Variants in RNF157 observed in about 807,000 individuals in gnomAD.
RNF157 encodes the protein ring finger protein 157.
Under a neutral mutation model 88.3 loss-of-function variants are expected in RNF157, and 55 were observed. The ratio of observed to expected loss-of-function variants is 0.62; its 90% confidence interval spans 0.50 to 0.78. The LOEUF is 0.78. RNF157 is among the 30% of genes least tolerant of loss of function. The probability of loss-of-function intolerance (pLI) is 0.00; values close to 1 mark genes in which losing one functional copy is unlikely to be tolerated. For synonymous variants in RNF157, 334 were observed against 341.2 expected (o/e 0.98, Z 0.23); for missense variants, 788 against 860.8 (o/e 0.92, Z 1.06).
chr17:76,192,821 C>T (rs1009213209), intron 2 of RNF157, among the ~76,000 whole-genome samples: 10 of 150,770 alleles, frequency 6.6e-5, no homozygotes, highest in African/African-American at 2.4e-4. Context: ...GTTCTTGTTT[C>T]AGCTCTCCCA....
Position 76,190,704 on chromosome 17 carries a change from G to A in RNF157, c.208-16914C>T, listed in dbSNP as rs1284714512. On this transcript the variant is annotated intron_variant, in intron 2 of 18. Transcript: ENST00000269391. Reference sequence around the variant, plus strand: ...GGAGGCCGAGACGGGTGGATCACGAGGTCAGGAGATCGAGACCACGATGAA... The same window carrying A: ...GGAGGCCGAGACGGGTGGATCACGAAGTCAGGAGATCGAGACCACGATGAA... Among the ~76,000 whole-genome samples the A allele has an allele frequency of 2.0e-5, 3 of 151,258 alleles. No homozygotes were observed. In the East Asian group the frequency reaches 5.8e-4, roughly 29 times the overall value.
chr17:76,185,728 C>A (rs74854106), intron 2 of RNF157, among the ~76,000 whole-genome samples: 15,140 of 151,852 alleles, frequency 0.1, 944 homozygotes, highest in African/African-American at 0.17. Context: ...CTCGGCCTCC[C>A]AAAGTGCTGG....
chr17:76,199,570 T>TAAAAAAAA (rs34151599), intron 2 of RNF157, among the ~76,000 whole-genome samples: 1 of 110,984 alleles, frequency 9.0e-6, no homozygotes, highest in Non-Finnish European at 1.9e-5. Context: ...AGCTGAAAGT[T>TAAAAAAAA]AAAAAAAAAA....
chr17:76,190,763 C>T (rs982113016), intron 2 of RNF157, among the ~76,000 whole-genome samples: 1 of 151,410 alleles, frequency 6.6e-6, no homozygotes, highest in Non-Finnish European at 1.5e-5. Context: ...AAAAATTAGC[C>T]GGGCATGGTG....
At chr17:76,200,494 G>T (rs919288595) in intron 2 of RNF157, among the ~76,000 whole-genome samples, 11 of 152,258 alleles carry the variant, frequency 7.2e-5, no homozygotes, top group African/African-American at 2.6e-4. Flanking sequence ...GATTCAACTC[G>T]TATGAGGTAC....
Position 76,195,017 on chromosome 17 carries a change from AAAAAC to A in RNF157, c.207+17342_207+17346del, listed in dbSNP as rs1331839571. On this transcript the variant is annotated intron_variant, in intron 2 of 18. Coordinates refer to ENST00000269391, the MANE Select transcript of RNF157 (RefSeq NM_052916.3). The surrounding 1 kb of genome is among the most constrained non-coding windows in gnomAD (Gnocchi z 4.4). ...GTGACAGAGCGAGACTCTGTCTCAA[AAAAAC>A]AAAACAAAACACAAGAGCAGAGGGA... Among the ~76,000 whole-genome samples, 3 of 152,230 alleles carry A rather than the reference AAAAAC, an allele frequency of 2.0e-5. No homozygotes were observed. Among genetic ancestry groups the A allele is most frequent in the African/African-American group, 4.8e-5 (2 of 41,454 alleles).
At chr17:76,221,848 A>G (rs1037149979) in intron 1 of RNF157, among the ~76,000 whole-genome samples, 1 of 152,256 alleles carries the variant, frequency 6.6e-6, no homozygotes, top group African/African-American at 2.4e-5. Context: ...AAAAGAAGTG[A>G]AGTTCTGATA....
intron 1 of RNF157, among the ~76,000 whole-genome samples, chr17:76,216,882 C>A (rs1907670860): frequency 6.6e-6 from 1 of 151,408 alleles, no homozygotes; most frequent in Non-Finnish European, 1.5e-5. Flanking sequence ...AAGAGCAAGA[C>A]CCTGTGTCAA....
At chr17:76,225,609 T>C (rs1217610757) in intron 1 of RNF157, 1 of 672,272 alleles carries the variant, frequency 1.5e-6, no homozygotes, top group East Asian at 3.0e-5. Context: ...TAGGCATCTA[T>C]GTCTGTATTT....
At position 76,156,577 on chromosome 17, in the gene RNF157, C is replaced by G. The variant is rs538778366; in HGVS notation, c.1414-256G>C. 1.8e-5 allele frequency: 17 copies of G among 964,542 alleles called. No homozygotes were observed. In the African/African-American group the frequency reaches 2.8e-4, roughly 16 times the overall value. 59.7% of individuals were successfully genotyped at this position (964,542 alleles called of 1,614,324 possible). ...GGGCACAGCATCTGCTGCGGCCATACAAAGACTGCAGCTCGGGTGACACAG... is the reference window on the plus strand; with the variant it reads ...GGGCACAGCATCTGCTGCGGCCATAGAAAGACTGCAGCTCGGGTGACACAG... On this transcript the variant is annotated intron_variant, in intron 13 of 18. Transcript: ENST00000269391.
intron 14 of RNF157, 121 bp from the exon 15 acceptor site, chr17:76,155,855 C>T: frequency 1.1e-6 from 1 of 881,044 alleles, no homozygotes; most frequent in Non-Finnish European, 1.7e-6. Context: ...CCGTATCTTG[C>T]CCTCCCCTAA....
intron 1 of RNF157, chr17:76,226,953 C>T (rs533896526): frequency 4.9e-5 from 31 of 637,274 alleles, no homozygotes; most frequent in Admixed American, 2.9e-4. Context: ...CTGCTGCCGC[C>T]GCTGCAAAGG....
At chr17:76,180,410 A>C (rs1369833270) in intron 2 of RNF157, among the ~76,000 whole-genome samples, 3 of 152,200 alleles carry the variant, frequency 2.0e-5, no homozygotes, top group Non-Finnish European at 4.4e-5. Context: ...AAACTCTGCC[A>C]AAAGAAAGCC....
chr17:76,191,629 C>A (rs996944341), intron 2 of RNF157, among the ~76,000 whole-genome samples: 8 of 150,276 alleles, frequency 5.3e-5, no homozygotes, highest in Non-Finnish European at 1.2e-4. Flanking sequence ...AAAACATTAG[C>A]CAGGTGTAGT....
intron 1 of RNF157, among the ~76,000 whole-genome samples, chr17:76,220,966 A>G (rs995429912): frequency 1.3e-5 from 2 of 152,082 alleles, no homozygotes; most frequent in Non-Finnish European, 2.9e-5. Context: ...TCAAAAAAAA[A>G]AAAAAAATTA....
intron 2 of RNF157, among the ~76,000 whole-genome samples, chr17:76,179,791 G>A (rs114689727): frequency 0.012 from 1,805 of 152,198 alleles, 30 homozygotes; most frequent in African/African-American, 0.041. Context: ...TGCCTTCTTG[G>A]GACCAAGAAA....
At position 76,154,352 on chromosome 17, in the gene RNF157, G is replaced by A; in HGVS notation, c.1765-24C>T. Reference sequence around the variant, plus strand: ...CCCTAGGACAGAAGGAAGGCCCTGTGAGTCTATGAAGCGGCAAAATGAGTA... The same window carrying A: ...CCCTAGGACAGAAGGAAGGCCCTGTAAGTCTATGAAGCGGCAAAATGAGTA... On this transcript the variant is annotated intron_variant, in intron 16 of 18. Transcript: ENST00000269391. 10 of 1,588,896 alleles carry A rather than the reference G, an allele frequency of 6.3e-6. No individual in the cohort carries two copies. The South Asian group carries it at 9.9e-5, about 16-fold the overall frequency.
chr17:76,160,199 A>G lies in RNF157; in HGVS notation c.1066-626T>C, dbSNP rs1258994129. Among the ~76,000 whole-genome samples the G allele has an allele frequency of 6.6e-6, 1 of 152,328 alleles. No homozygotes were observed. The highest frequency in any genetic ancestry group is 1.9e-4 in the East Asian group (1 of 5,196). ...CATAGATCCCCTAAGTTTTCTAACT[A>G]TTCTCCTAGTGCTGGGAATCTAGTT... is the stretch of plus-strand genomic sequence containing the variant. On this transcript the variant is annotated intron_variant, in intron 11 of 18. Coordinates refer to ENST00000269391, the MANE Select transcript of RNF157 (RefSeq NM_052916.3). This position sits in a 1 kb window ranked among gnomAD's most constrained non-coding sequence, Gnocchi z 4.3.
intron 2 of RNF157, among the ~76,000 whole-genome samples, chr17:76,204,861 T>C (rs1213428025): frequency 6.6e-6 from 1 of 151,550 alleles, no homozygotes; most frequent in Non-Finnish European, 1.5e-5. Flanking sequence ...CTCGGCTCAC[T>C]GAAACCTGTG....
Sources: allele counts gnomAD v4.1 joint callset (sites outside exome capture counted in the v4.1 genomes callset), GRCh38; gene constraint gnomAD v4.1.1; non-coding constraint Gnocchi (gnomAD v3.1); transcripts MANE v1.5; gene names NCBI Gene and HGNC (gene_info 2026-07-23, HGNC 2026-07-21).